The following CMTM6 variants were observed in gnomAD, a reference collection of about 807,000 sequenced individuals.
CMTM6 encodes CKLF-like MARVEL transmembrane domain-containing protein 6.
A neutral mutation model predicts 13.6 loss-of-function variants in CMTM6; 5 were observed. That is an observed-to-expected ratio of 0.37 (90% CI 0.19 to 0.77). The LOEUF (loss-of-function observed/expected upper bound fraction) is 0.77. CMTM6 is among the 30% of genes least tolerant of loss of function. The pLI is 0.50. For missense variants in CMTM6, 196 were observed against 218.6 expected (o/e 0.90, Z 0.65); for synonymous variants, 99 against 84.5 (o/e 1.17, Z -0.94).
intron 1 of CMTM6, 51 bp downstream of exon 1, chr3:32,502,557 G>A: frequency 1.3e-6 from 2 of 1,556,684 alleles, no homozygotes; most frequent in Non-Finnish European, 8.7e-7. Context: ...CCAAGCCCGG[G>A]CCAGACCCCG....
chr3:32,491,772 T>A lies in CMTM6; in HGVS notation c.253A>T (p.Ile85Leu). The A allele has an allele frequency of 6.2e-7, 1 of 1,613,964 alleles. No homozygotes were observed. The highest frequency in any genetic ancestry group is 1.7e-4 in the Middle Eastern group (1 of 6,060). Reference sequence around the variant, plus strand: ...AATGGAGTGCAATACACAATCAGTATAAGGAGACTCAGAAGAAAGGCACTG... The same window carrying A: ...AATGGAGTGCAATACACAATCAGTAAAAGGAGACTCAGAAGAAAGGCACTG... ...SCSAFLLSLL[I>L]LIVYCTPFYE... Residue 85 changes from isoleucine to leucine, a missense_variant, in exon 2 of 4, where the codon ATA becomes TTA. By Grantham distance (5) the Ile-to-Leu change is conservative. Coordinates refer to ENST00000205636, the MANE Select transcript of CMTM6 (RefSeq NM_017801.3).
rs768288808 is a variant in CMTM6 at position 32,491,832 on chromosome 3, A to G, written c.193T>C (p.Cys65Arg). 1 of 1,613,848 alleles carries G rather than the reference A, an allele frequency of 6.2e-7. No homozygotes were observed. The highest frequency in any genetic ancestry group is 8.5e-7 in the Non-Finnish European group (1 of 1,179,894). The change falls in exon 2 of 4, where the codon TGT becomes CGT. Residue 65 changes from cysteine to arginine, a missense_variant. This residue lies in a region of CMTM6 where 111 missense variants were observed against 160.0 expected (regional missense o/e 0.69). Transcript: ENST00000205636. The stretch of plus-strand genomic sequence containing the variant: ...AACTCAAAAAAATAAAGTCCTCCAC[A>G]TAAAGTACATTGTGATACAACTTCT... ...CEEVVSQCTL[C>R]GGLYFFEFVS...
At chr3:32,500,368 A>G (rs1434418498) in intron 1 of CMTM6, among the ~76,000 whole-genome samples, 1 of 152,224 alleles carries the variant, frequency 6.6e-6, no homozygotes, top group African/African-American at 2.4e-5. Flanking sequence ...CTTGCTGGAT[A>G]ATTCCTGTAA....
At chr3:32,486,920 C>T (rs1697210339) in intron 3 of CMTM6, among the ~76,000 whole-genome samples, 1 of 152,226 alleles carries the variant, frequency 6.6e-6, no homozygotes, top group East Asian at 1.9e-4. Context: ...GTGCCTGCTT[C>T]CGCCTCGCCT....
intron 1 of CMTM6, among the ~76,000 whole-genome samples, chr3:32,493,339 A>G (rs1697264945): frequency 6.6e-6 from 1 of 152,210 alleles, no homozygotes; most frequent in Non-Finnish European, 1.5e-5. Context: ...AATTACACGC[A>G]AGTGGGTTTT....
intron 1 of CMTM6, among the ~76,000 whole-genome samples, chr3:32,498,783 T>A (rs1697317484): frequency 6.6e-6 from 1 of 151,950 alleles, no homozygotes; most frequent in Admixed American, 6.6e-5. Flanking sequence ...TTTCACCATG[T>A]TGGCCAGGAT....
chr3:32,502,836 A>G lies in CMTM6; in HGVS notation c.-91T>C. The G allele has an allele frequency of 7.4e-7, 1 of 1,344,584 alleles. No individual in the cohort carries two copies. The highest frequency in any genetic ancestry group is 9.6e-7 in the Non-Finnish European group (1 of 1,044,712). 83.3% of individuals were successfully genotyped at this position (1,344,584 alleles called of 1,614,324 possible). A position where few individuals can be genotyped will look rare whatever the true frequency, so the allele number is the denominator to read the frequency against. On this transcript the variant is annotated 5_prime_UTR_variant, in exon 1 of 4. Coordinates refer to ENST00000205636, the MANE Select transcript of CMTM6 (RefSeq NM_017801.3). ...CCCCGGTAGCCGGGAGGCGGCCGTC[A>G]CTTCCTGGGCCTTCTCCCCGGCTTC...
At chr3:32,501,696 T>A (rs972740429) in intron 1 of CMTM6, among the ~76,000 whole-genome samples, 1 of 152,218 alleles carries the variant, frequency 6.6e-6, no homozygotes, top group Non-Finnish European at 1.5e-5. Context: ...AATTTTTACT[T>A]AGAATGGTTA....
At chr3:32,485,408 T>G (rs1451458532) in intron 3 of CMTM6, among the ~76,000 whole-genome samples, 1 of 152,100 alleles carries the variant, frequency 6.6e-6, no homozygotes, top group Non-Finnish European at 1.5e-5. Flanking sequence ...ATAAAAATTT[T>G]TTTTATAGCT....
chr3:32,502,170 C>T (rs905250404), intron 1 of CMTM6, among the ~76,000 whole-genome samples: 33 of 152,240 alleles, frequency 2.2e-4, no homozygotes, highest in African/African-American at 7.5e-4. Context: ...GCAAGTTAAA[C>T]TGCCCCCATG....
intron 2 of CMTM6, chr3:32,488,366 G>GA (rs549593148): frequency 0.4 from 46,816 of 118,116 alleles, 7,444 homozygotes; most frequent in East Asian, 0.48. Context: ...TCCAAAAAAA[G>GA]AAAAAAAAAA....
rs1166018187 is a variant in CMTM6 at position 32,491,642 on chromosome 3, T to G, written c.315+68A>C. The G allele has an allele frequency of 5.1e-6, 7 of 1,368,244 alleles. No homozygotes were observed. The African/African-American group carries it at 1.0e-4, about 20-fold the overall frequency. The allele number at this position is 1,368,244 out of a possible 1,614,324, so 84.8% of individuals were successfully genotyped here. ...CTGAGTTTTGAAAACATTACTGCTT[T>G]GAACAATAAAATTATGCCAGATTAC... On this transcript the variant is annotated intron_variant, in intron 2 of 3. Coordinates refer to ENST00000205636, the MANE Select transcript of CMTM6 (RefSeq NM_017801.3).
At position 32,483,902 on chromosome 3, in the gene CMTM6, G is replaced by A; in HGVS notation, c.*58C>T. The stretch of plus-strand genomic sequence containing the variant: ...CAAATTTTACAAGAGCTTCTGCCAG[G>A]GCTCAGGCACCACAATGCAGGGTCA... On this transcript the variant is annotated 3_prime_UTR_variant, in exon 4 of 4. Transcript: ENST00000205636. 1.4e-6 allele frequency: 2 copies of A among 1,408,718 alleles called. No individual in the cohort carries two copies. Among genetic ancestry groups the A allele is most frequent in the Non-Finnish European group, 1.9e-6 (2 of 1,071,264 alleles). The allele number at this position is 1,408,718 out of a possible 1,614,324, so 87.3% of individuals were successfully genotyped here. A position where few individuals can be genotyped will look rare whatever the true frequency, so the allele number is the denominator to read the frequency against.
intron 1 of CMTM6, among the ~76,000 whole-genome samples, chr3:32,497,523 T>C (rs1697306250): frequency 6.6e-6 from 1 of 150,998 alleles, no homozygotes; most frequent in African/African-American, 2.4e-5. Context: ...GTTGATTTTT[T>C]TTTTTTTGGT....
Position 32,483,046 on chromosome 3 carries a change from A to G in CMTM6, c.*914T>C, listed in dbSNP as rs1305682917. 6.5e-6 allele frequency: 1 copy of G among 152,674 alleles called. No individual in the cohort carries two copies. Among genetic ancestry groups the G allele is most frequent in the Non-Finnish European group, 1.5e-5 (1 of 68,044 alleles). 9.5% of individuals were successfully genotyped at this position (152,674 alleles called of 1,614,324 possible). A position where few individuals can be genotyped will look rare whatever the true frequency, so the allele number is the denominator to read the frequency against. ...CAGAGCTGTATTAATTTTAGTAAAA[A>G]TAATCATATGCCAACAGGGGAATTG... On this transcript the variant is annotated 3_prime_UTR_variant, in exon 4 of 4. Transcript: ENST00000205636.
chr3:32,491,916 G>T (rs1345356838), intron 1 of CMTM6, 30 bp from the exon 2 acceptor site: 1 of 1,558,038 alleles, frequency 6.4e-7, no homozygotes, highest in Non-Finnish European at 8.7e-7. Flanking sequence ...TTTTACTTAA[G>T]TGTTTTTTCA....
chr3:32,498,036 A>G (rs1321248715), intron 1 of CMTM6, among the ~76,000 whole-genome samples: 1 of 152,138 alleles, frequency 6.6e-6, no homozygotes, highest in East Asian at 1.9e-4. Context: ...ATTTTTTGGT[A>G]AACAGTTTTG....
chr3:32,502,797 C>G lies in CMTM6; in HGVS notation c.-52G>C, dbSNP rs1347417610. 1.4e-6 allele frequency: 2 copies of G among 1,389,074 alleles called. No individual in the cohort carries two copies. Among genetic ancestry groups the G allele is most frequent in the African/African-American group, 1.5e-5 (1 of 65,656 alleles). The allele number at this position is 1,389,074 out of a possible 1,614,324, so 86.0% of individuals were successfully genotyped here. On this transcript the variant is annotated 5_prime_UTR_variant, in exon 1 of 4. Coordinates refer to ENST00000205636, the MANE Select transcript of CMTM6 (RefSeq NM_017801.3). The stretch of plus-strand genomic sequence containing the variant: ...CGCAGCAACCGCGCCGTTGACTTCT[C>G]GGACTCCAGAAGTCCCCGGTAGCCG...
At position 32,481,758 on chromosome 3, in the gene CMTM6, G is replaced by A. The variant is rs1193491925; in HGVS notation, c.*2202C>T. The A allele has an allele frequency of 2.0e-5, 3 of 152,168 alleles. No homozygotes were observed. Among genetic ancestry groups the A allele is most frequent in the African/African-American group, 7.2e-5 (3 of 41,448 alleles). 9.4% of individuals were successfully genotyped at this position (152,168 alleles called of 1,614,324 possible). On this transcript the variant is annotated 3_prime_UTR_variant, in exon 4 of 4. Coordinates refer to ENST00000205636, the MANE Select transcript of CMTM6 (RefSeq NM_017801.3). Reference sequence around the variant, plus strand: ...GGGTCCCATAAAAAACAATGTGAAGGAAGGTTCTAAGAGTGACCAAATATA... The same window carrying A: ...GGGTCCCATAAAAAACAATGTGAAGAAAGGTTCTAAGAGTGACCAAATATA...
Sources: allele counts gnomAD v4.1 joint callset (sites outside exome capture counted in the v4.1 genomes callset), GRCh38; gene constraint gnomAD v4.1.1; regional missense constraint gnomAD v4.1.1; transcripts MANE v1.5; gene names NCBI Gene and HGNC (gene_info 2026-07-23, HGNC 2026-07-21).